Variants in PIEZO1 observed in about 807,000 individuals in gnomAD.
PIEZO1 encodes piezo-type mechanosensitive ion channel component 1.
Under a neutral mutation model 297.2 loss-of-function variants are expected in PIEZO1, and 296 were observed. The observed-to-expected ratio is 1.00, with a 90% confidence interval of 0.91 to 1.10. The LOEUF (loss-of-function observed/expected upper bound fraction) is 1.10, where lower values mean the gene tolerates loss of function less well. PIEZO1 is among the 50% of genes least tolerant of loss of function. The pLI, the probability that PIEZO1 is intolerant of heterozygous loss-of-function variation, is 0.00. For synonymous variants in PIEZO1, 2,427 were observed against 1,507.5 expected, an observed-to-expected ratio of 1.61 and a Z score of -14.13; for missense variants, 5,018 against 3,455.5, an observed-to-expected ratio of 1.45 and a Z score of -11.34.
At chr16:88,737,020 T>C (rs1434431486) in intron 10 of PIEZO1, 1 of 338,492 alleles carries the variant, frequency 3.0e-6, no homozygotes. Context: ...CTGAAGACTC[T>C]CAGGACCCCC....
rs1270585351 is a variant in PIEZO1 at position 88,719,703 on chromosome 16, G to C, written c.6342C>G (p.Phe2114Leu). 6.4e-6 allele frequency: 10 copies of C among 1,551,566 alleles called. No individual in the cohort carries two copies. The Admixed American group carries it at 1.6e-4, about 24-fold the overall frequency. Reference sequence around the variant, plus strand: ...CCATCACTGCCCGCAGCTCCACCAGGAACGGCACCAGCCGGAACCTGCCCA... The same window carrying C: ...CCATCACTGCCCGCAGCTCCACCAGCAACGGCACCAGCCGGAACCTGCCCA... ...FLFQGFRLVP[F>L]LVELRAVMDW... The change falls in exon 44 of 51, where the codon TTC (phenylalanine) becomes TTG (leucine). Residue 2114 changes from phenylalanine to leucine, a missense_variant. Transcript: ENST00000301015.
rs1912057187 is a variant in PIEZO1 at position 88,716,621 on chromosome 16, C to T, written c.6864G>A (p.Met2288Ile). ...CCGTGCCGTTGTAGAGCTCCCGCTT[C>T]ATCTGGGCACGGCTGGGGGGACTGA... ...WRISPPSRAQ[M>I]KRELYNGTAD... Residue 2288 changes from methionine (M) to isoleucine (I), a missense_variant, in exon 47 of 51, where the codon ATG (methionine) becomes ATA (isoleucine). Transcript: ENST00000301015. 2.6e-6 allele frequency: 4 copies of T among 1,549,890 alleles called. No individual in the cohort carries two copies. The highest frequency in any genetic ancestry group is 3.5e-6 in the Non-Finnish European group (4 of 1,146,916).
chr16:88,736,955 C>T (rs1404163668), intron 10 of PIEZO1: 2 of 461,676 alleles, frequency 4.3e-6, no homozygotes, highest in Admixed American at 8.0e-5. Context: ...CTGGGCCTCA[C>T]TTTCCTTGAA....
chr16:88,725,868 G>A (rs1247313352), intron 27 of PIEZO1, 184 bp from the exon 28 acceptor site: 5 of 601,000 alleles, frequency 8.3e-6, no homozygotes, highest in Non-Finnish European at 1.5e-5. Flanking sequence ...GCGAGGACAG[G>A]CCCTTCTGCC....
At position 88,737,575 on chromosome 16, in the gene PIEZO1, G is replaced by A. The variant is rs780119372; in HGVS notation, c.1179C>T (p.Ser393=). ...CIVHELTGQS[S]VLRRPVRPKR... ...GGTACTCACCAGGCCGCCGCAGGAC[G>A]GAGCTCTGGCCGGTCAGCTCGTGCA... The change falls in exon 10 of 51, where the codon TCC becomes TCT. Residue 393 remains serine (S), a synonymous_variant. Transcript: ENST00000301015. 9.1e-6 allele frequency: 14 copies of A among 1,533,774 alleles called. No homozygotes were observed. Among genetic ancestry groups the A allele is most frequent in the African/African-American group, 6.9e-5 (5 of 72,964 alleles).
chr16:88,759,516 T>A (rs187106827), intron 1 of PIEZO1, among the ~76,000 whole-genome samples: 9 of 152,266 alleles, frequency 5.9e-5, no homozygotes, highest in Admixed American at 2.0e-4. Flanking sequence ...CCCGTGCTAG[T>A]GCTTTCGACG....
rs1427962992 is a variant in PIEZO1 at position 88,724,979 on chromosome 16, G to C, written c.4234+30C>G. On this transcript the variant is annotated intron_variant, in intron 30 of 50. Transcript: ENST00000301015. The stretch of plus-strand genomic sequence containing the variant: ...GATGGGGGCACAGAGGGCCTGAGAG[G>C]GTGGCCACAGGCGGCCTAATTGGGG... 4 of 1,381,446 alleles carry C rather than the reference G, an allele frequency of 2.9e-6. No homozygotes were observed. The East Asian group carries it at 8.6e-5, about 30-fold the overall frequency. 85.6% of individuals were successfully genotyped at this position (1,381,446 alleles called of 1,614,324 possible).
Position 88,735,163 on chromosome 16 carries a change from C to T in PIEZO1, c.1641G>A (p.Ala547=), listed in dbSNP as rs538102347. The T allele has an allele frequency of 6.3e-5, 98 of 1,550,306 alleles. No homozygotes were observed. Among genetic ancestry groups the T allele is most frequent in the Admixed American group, 2.0e-4 (10 of 51,008 alleles). Residue 547 remains alanine, a synonymous_variant, in exon 13 of 51, where the codon GCG becomes GCA. Transcript: ENST00000301015. ...TGTCTGCCACGGTGACCTCCGTCAG[C>T]GCAGCTGGAGACTCTGCCCACTTCA... ...KLLKWAESPA[A]LTEVTVADTE...
rs113700874 is a variant in PIEZO1 at position 88,715,376 on chromosome 16, TAAAA to T, written c.*225_*228del. 2.8e-6 allele frequency: 3 copies of T among 1,087,688 alleles called. No homozygotes were observed. The South Asian group carries it at 5.0e-5, about 18-fold the overall frequency. 67.4% of individuals were successfully genotyped at this position (1,087,688 alleles called of 1,614,324 possible). ...TTGTATAAATAAAACATTTTTTAATTAAAAAAAAAACTCTACAGTACACGTGGGG... is the reference window on the plus strand; with the variant it reads ...TTGTATAAATAAAACATTTTTTAATTAAAAAACTCTACAGTACACGTGGGG... On this transcript the variant is annotated 3_prime_UTR_variant, in exon 51 of 51. Transcript: ENST00000301015.
In PIEZO1 at chr16:88,727,069, G is replaced by A. The variant is rs778226687; in HGVS notation, c.3425C>T (p.Pro1142Leu). ...TDRLEPLRGE[P>L]NPVPNFIHCR... ...GTGGATAAAGTTGGGCACGGGGTTG[G>A]GCTCCCCCCGCAGCGGCTCCAGGCG... Residue 1142 changes from proline to leucine, a missense_variant, in exon 24 of 51, where the codon CCC becomes CTC. Transcript: ENST00000301015. 6.5e-7 allele frequency: 1 copy of A among 1,549,544 alleles called. No homozygotes were observed. The highest frequency in any genetic ancestry group is 8.7e-7 in the Non-Finnish European group (1 of 1,146,342).
At chr16:88,736,800 T>A in intron 10 of PIEZO1, 61 bp from the exon 11 acceptor site, 1 of 1,085,572 alleles carries the variant, frequency 9.2e-7, no homozygotes, top group Non-Finnish European at 1.3e-6. Context: ...CCACCCTGAC[T>A]ATGCCCTAAA....
chr16:88,777,904 A>C (rs1907739113), intron 1 of PIEZO1, among the ~76,000 whole-genome samples: 1 of 151,940 alleles, frequency 6.6e-6, no homozygotes, highest in Admixed American at 6.6e-5. Context: ...CTAAACCCAC[A>C]TCTGTCCCCT....
Position 88,716,648 on chromosome 16 carries a change from G to A in PIEZO1, c.6837C>T (p.Arg2279=), listed in dbSNP as rs1912059440. 1.3e-6 allele frequency: 2 copies of A among 1,549,416 alleles called. No individual in the cohort carries two copies. Among genetic ancestry groups the A allele is most frequent in the Admixed American group, 2.0e-5 (1 of 50,990 alleles). Reference sequence around the variant, plus strand: ...TCTGGGCACGGCTGGGGGGACTGATGCGCCACAGCGCCCCGGAGCTGCCCT... The same window carrying A: ...TCTGGGCACGGCTGGGGGGACTGATACGCCACAGCGCCCCGGAGCTGCCCT... ...QIEGSSGALW[R]ISPPSRAQMK... is the part of the protein sequence containing the mutation. The change falls in exon 47 of 51, where the codon CGC becomes CGT. Residue 2279 remains arginine (R), a synonymous_variant. Transcript: ENST00000301015.
In PIEZO1 at chr16:88,726,755, A is replaced by G; in HGVS notation, c.3659T>C (p.Leu1220Pro). The G allele has an allele frequency of 6.5e-7, 1 of 1,550,164 alleles. No individual in the cohort carries two copies. Among genetic ancestry groups the G allele is most frequent in the Non-Finnish European group, 8.7e-7 (1 of 1,146,836 alleles). ...GGAGATGATGACGGTGACGTTGTAC[A>G]GAATGAGGCAGTCCCACAGCACGAG... ...ARLVLWDCLI[L>P]YNVTVIISKN... Residue 1220 changes from leucine to proline, a missense_variant, in exon 25 of 51, where the codon CTG becomes CCG. By Grantham distance (98) the Leu-to-Pro change is moderately conservative (BLOSUM62 -3). Coordinates refer to ENST00000301015, the MANE Select transcript of PIEZO1 (RefSeq NM_001142864.4).
Position 88,725,056 on chromosome 16 carries a change from G to T in PIEZO1, c.4187C>A (p.Ser1396Tyr). Residue 1396 changes from serine to tyrosine, a missense_variant, in exon 30 of 51, where the codon TCC becomes TAC. By Grantham distance (144) the Ser-to-Tyr change is moderately radical (BLOSUM62 -2). Coordinates refer to ENST00000301015, the MANE Select transcript of PIEZO1 (RefSeq NM_001142864.4). ...EPGPDSPGGS[S>Y]PPRRQWWRPW... is the part of the protein sequence containing the mutation. ...CCGCCACCACTGCCTCCGTGGCGGGGAGGAGCCCCCTGGACTGTCGGGCCC... is the reference window on the plus strand; with the variant it reads ...CCGCCACCACTGCCTCCGTGGCGGGTAGGAGCCCCCTGGACTGTCGGGCCC... 1.3e-6 allele frequency: 2 copies of T among 1,501,872 alleles called. No homozygotes were observed. The highest frequency in any genetic ancestry group is 2.7e-5 in the East Asian group (1 of 36,844). The allele number at this position is 1,501,872 out of a possible 1,614,324, so 93.0% of individuals were successfully genotyped here. A position where few individuals can be genotyped will look rare whatever the true frequency, so the allele number is the denominator to read the frequency against.
In PIEZO1 at chr16:88,731,364, A is replaced by G. The variant is rs1447747759; in HGVS notation, c.3196+342T>C. On this transcript the variant is annotated intron_variant, in intron 22 of 50. Transcript: ENST00000301015. The stretch of plus-strand genomic sequence containing the variant: ...CCAGGAGACGCATGCTCGAGGCAGC[A>G]CTTGGGTGTGAGGCATCACGGCCGA... 2.1e-4 allele frequency: 62 copies of G among 296,220 alleles called. No individual in the cohort carries two copies. In the Admixed American group the frequency reaches 3.0e-3, roughly 14 times the overall value. 18.3% of individuals were successfully genotyped at this position (296,220 alleles called of 1,614,324 possible). A position where few individuals can be genotyped will look rare whatever the true frequency, so the allele number is the denominator to read the frequency against.
rs557491171 is a variant in PIEZO1 at position 88,732,193 on chromosome 16, C to T, written c.2991+142G>A. On this transcript the variant is annotated intron_variant, in intron 21 of 50. Transcript: ENST00000301015. ...ACACACCACAGGAGTCCAGGGAAGC[C>T]GTGCCTGGCCCTGAGTCCCCCACCC... is the stretch of plus-strand genomic sequence containing the variant. 24 of 683,492 alleles carry T rather than the reference C, an allele frequency of 3.5e-5. 1 individual carries two copies. The highest frequency in any genetic ancestry group is 1.3e-4 in the African/African-American group (7 of 55,940). The allele number at this position is 683,492 out of a possible 1,614,324, so 42.3% of individuals were successfully genotyped here. A position where few individuals can be genotyped will look rare whatever the true frequency, so the allele number is the denominator to read the frequency against.
intron 1 of PIEZO1, among the ~76,000 whole-genome samples, chr16:88,783,008 T>C (rs908436008): frequency 6.6e-6 from 1 of 152,204 alleles, no homozygotes; most frequent in African/African-American, 2.4e-5. Context: ...GAGACTTTAT[T>C]TGGGACCAGT....
chr16:88,737,476 G>C, intron 10 of PIEZO1, 83 bp downstream of exon 10: 1 of 933,032 alleles, frequency 1.1e-6, no homozygotes. Flanking sequence ...GCATGCGAGA[G>C]CGCCAGGCGG....
Sources: gnomAD v4.1 joint callset for allele counts (sites outside exome capture counted in the v4.1 genomes callset) on GRCh38, gnomAD v4.1.1 for gene constraint, MANE v1.5 for transcripts, NCBI Gene and HGNC (gene_info 2026-07-23, HGNC 2026-07-21) for gene names.